The following PPP1R12A variants were observed in gnomAD, a reference collection of about 807,000 sequenced individuals.
PPP1R12A encodes protein phosphatase 1 regulatory subunit 12A.
In PPP1R12A, 19 loss-of-function variants were observed where a neutral mutation model predicts 139.6. That is an observed-to-expected ratio of 0.14 (90% confidence interval 0.09 to 0.20). PPP1R12A has a LOEUF of 0.20. Among genes scored for constraint, PPP1R12A ranks in the 10% least tolerant of loss-of-function variants. The pLI, the probability that PPP1R12A is intolerant of heterozygous loss-of-function variation, is 1.00. For missense variants in PPP1R12A, 925 were observed against 1,211.5 expected (o/e 0.76, Z 3.51); for synonymous variants, 427 against 420.6 (o/e 1.02, Z -0.19).
intron 2 of PPP1R12A, among the ~76,000 whole-genome samples, chr12:79,871,566 CTAGAAAA>C: frequency 6.6e-6 from 1 of 152,098 alleles, no homozygotes; most frequent in African/African-American, 2.4e-5. Context: ...AAACCAAAGC[CTAGAAAA>C]GTTAAACAAC....
intron 1 of PPP1R12A, among the ~76,000 whole-genome samples, chr12:79,923,142 C>T (rs1887574042): frequency 6.6e-6 from 1 of 152,068 alleles, no homozygotes; most frequent in African/African-American, 2.4e-5. Flanking sequence ...GGCATGATGG[C>T]GGGTGCCTGT....
At chr12:79,831,130 C>T (rs761546160) in intron 4 of PPP1R12A, among the ~76,000 whole-genome samples, 19 of 151,828 alleles carry the variant, frequency 1.3e-4, no homozygotes, top group Non-Finnish European at 2.5e-4. Flanking sequence ...TTATGTAATA[C>T]TCTTTAATAC....
chr12:79,845,035 A>G lies in PPP1R12A; in HGVS notation c.487+267T>C, dbSNP rs116484984. On this transcript the variant is annotated intron_variant, in intron 3 of 24. Transcript: ENST00000450142. ...TGTGCACTTTCTATCCCCTTTGCCTACTTTATTTTGCTCCAAAACTTTTAC... is the reference window on the plus strand; with the variant it reads ...TGTGCACTTTCTATCCCCTTTGCCTGCTTTATTTTGCTCCAAAACTTTTAC... Among the ~76,000 whole-genome samples, 819 of 152,198 alleles carry G rather than the reference A, an allele frequency of 5.4e-3. 5 individuals are homozygous for G. The highest frequency in any genetic ancestry group is 0.019 in the African/African-American group (778 of 41,502).
chr12:79,880,736 C>T (rs1161971748), intron 1 of PPP1R12A, among the ~76,000 whole-genome samples: 1 of 152,088 alleles, frequency 6.6e-6, no homozygotes, highest in Non-Finnish European at 1.5e-5. Context: ...AAACAACCAC[C>T]GATATCGGCA....
Position 79,839,923 on chromosome 12 carries a change from T to G in PPP1R12A, c.487+5379A>C, listed in dbSNP as rs533947288. Among the ~76,000 whole-genome samples the G allele has an allele frequency of 3.9e-5, 6 of 152,216 alleles. No individual in the cohort carries two copies. In the East Asian group the frequency reaches 1.2e-3, roughly 29 times the overall value. On this transcript the variant is annotated intron_variant, in intron 3 of 24. Coordinates refer to ENST00000450142, the MANE Select transcript of PPP1R12A (RefSeq NM_002480.3). ...TAGAGATATATTTAGGGTGCTTTTTTATAATTATTAAAATCTGTTAGAGAT... is the reference window on the plus strand; with the variant it reads ...TAGAGATATATTTAGGGTGCTTTTTGATAATTATTAAAATCTGTTAGAGAT...
intron 9 of PPP1R12A, 96 bp from the exon 10 acceptor site, chr12:79,810,106 A>C: frequency 1.0e-6 from 1 of 978,154 alleles, no homozygotes; most frequent in Non-Finnish European, 1.5e-6. Flanking sequence ...AATATATTTA[A>C]AATTATGGTT....
At position 79,793,943 on chromosome 12, in the gene PPP1R12A, C is replaced by A; in HGVS notation, c.2584-15G>T. The A allele has an allele frequency of 6.5e-7, 1 of 1,537,772 alleles. No individual in the cohort carries two copies. Among genetic ancestry groups the A allele is most frequent in the Non-Finnish European group, 8.7e-7 (1 of 1,149,210 alleles). On this transcript the variant is annotated splice_polypyrimidine_tract_variant and intron_variant, in intron 18 of 24. Transcript: ENST00000450142. ...TTTTCATCACTCTAAAAACAGATTG[C>A]CAATTTATATTTTAGGAAATTTTAG... is the stretch of plus-strand genomic sequence containing the variant.
intron 8 of PPP1R12A, among the ~76,000 whole-genome samples, chr12:79,819,792 G>A (rs775068571): frequency 6.6e-6 from 1 of 152,042 alleles, no homozygotes; most frequent in Non-Finnish European, 1.5e-5. Context: ...AATAAAATTA[G>A]ATGTGCATGG....
chr12:79,879,765 T>C (rs1480573508), intron 1 of PPP1R12A, among the ~76,000 whole-genome samples: 1 of 152,102 alleles, frequency 6.6e-6, no homozygotes, highest in Admixed American at 6.5e-5. Flanking sequence ...TCCCTATCTT[T>C]GTCGGGGTGA....
intron 1 of PPP1R12A, among the ~76,000 whole-genome samples, chr12:79,918,034 C>T (rs1377774251): frequency 6.6e-6 from 1 of 152,106 alleles, no homozygotes; most frequent in East Asian, 1.9e-4. Context: ...TACACCTCTG[C>T]CACATACATA....
At chr12:79,807,157 G>T (rs1873937606) in intron 12 of PPP1R12A, 69 bp downstream of exon 12, 6 of 827,694 alleles carry the variant, frequency 7.2e-6, no homozygotes, top group Non-Finnish European at 1.1e-5. Context: ...TAAACTGAGG[G>T]CTCCAAACAA....
intron 3 of PPP1R12A, among the ~76,000 whole-genome samples, chr12:79,833,941 C>T (rs1877772589): frequency 6.6e-6 from 1 of 151,386 alleles, no homozygotes; most frequent in South Asian, 2.1e-4. Context: ...CACACACACA[C>T]ACATTTCCTC....
chr12:79,780,450 T>C (rs542495193), intron 23 of PPP1R12A: 2 of 152,066 alleles, frequency 1.3e-5, no homozygotes, highest in Admixed American at 6.6e-5. Context: ...GTCTGCATCA[T>C]GTGTATGTTA....
chr12:79,888,722 A>C (rs1307093866), intron 1 of PPP1R12A, among the ~76,000 whole-genome samples: 1 of 152,142 alleles, frequency 6.6e-6, no homozygotes, highest in Non-Finnish European at 1.5e-5. Flanking sequence ...ATACTAATTC[A>C]TTTAATCTTC....
chr12:79,805,966 T>G (rs1189383948), intron 13 of PPP1R12A, 198 bp from the exon 14 acceptor site: 1 of 939,418 alleles, frequency 1.1e-6, no homozygotes, highest in Non-Finnish European at 1.5e-6. Context: ...GCAGTCTAAT[T>G]CAAGGAAAGT....
At chr12:79,858,221 T>C (rs1880908795) in intron 2 of PPP1R12A, among the ~76,000 whole-genome samples, 1 of 152,180 alleles carries the variant, frequency 6.6e-6, no homozygotes, top group Non-Finnish European at 1.5e-5. Context: ...GCTCCTCTCT[T>C]CTAGATAAGT....
intron 1 of PPP1R12A, among the ~76,000 whole-genome samples, chr12:79,907,557 TTGC>T (rs1886229867): frequency 1.3e-5 from 2 of 152,214 alleles, no homozygotes; most frequent in South Asian, 4.1e-4. Context: ...CACTCTACAA[TTGC>T]CTACTTTCAC....
chr12:79,801,339 C>CT (rs1351140622), intron 14 of PPP1R12A, among the ~76,000 whole-genome samples: 3 of 58,894 alleles, frequency 5.1e-5, no homozygotes, highest in Non-Finnish European at 9.7e-5. Context: ...GAGCAAAACT[C>CT]TGTCTCAAAA....
At chr12:79,850,189 C>T (rs188216861) in intron 2 of PPP1R12A, among the ~76,000 whole-genome samples, 91 of 152,214 alleles carry the variant, frequency 6.0e-4, no homozygotes, top group African/African-American at 2.1e-3. Flanking sequence ...ACTCTAGAAA[C>T]TCTGATTTGA....
Sources: allele counts gnomAD v4.1 joint callset (sites outside exome capture counted in the v4.1 genomes callset), GRCh38; gene constraint gnomAD v4.1.1; transcripts MANE v1.5; gene names NCBI Gene and HGNC (gene_info 2026-07-23, HGNC 2026-07-21).